DLC1: variants seen among roughly 807,000 people sequenced by gnomAD.
The protein encoded by DLC1 is rho GTPase-activating protein 7.
Under a neutral mutation model 140.3 loss-of-function variants are expected in DLC1, and 54 were observed. That is an observed-to-expected ratio of 0.38 (90% CI 0.31 to 0.48). DLC1 has a LOEUF of 0.48. Ranked by LOEUF, DLC1 falls within the 20% of genes least tolerant of loss-of-function variation. The pLI is 0.96. For synonymous variants in DLC1, 986 were observed against 728.1 expected, an observed-to-expected ratio of 1.35 and a Z score of -5.70; for missense variants, 2,536 against 1,907.0, an observed-to-expected ratio of 1.33 and a Z score of -6.14.
At chr8:13,232,035 T>C (rs1829069976) in intron 5 of DLC1, among the ~76,000 whole-genome samples, 1 of 152,192 alleles carries the variant, frequency 6.6e-6, no homozygotes, top group East Asian at 1.9e-4. Flanking sequence ...GAGCCATCCA[T>C]GGCTTCTCAG....
chr8:13,351,920 G>C (rs750529781), intron 4 of DLC1, among the ~76,000 whole-genome samples: 3 of 152,268 alleles, frequency 2.0e-5, no homozygotes, highest in Admixed American at 2.0e-4. Flanking sequence ...GTAACATAGA[G>C]ACGGTGTTTC....
intron 4 of DLC1, among the ~76,000 whole-genome samples, chr8:13,306,857 G>A (rs764284340): frequency 1.3e-5 from 2 of 151,802 alleles, no homozygotes; most frequent in South Asian, 4.1e-4. Context: ...GCCGAGGCGG[G>A]TGGATCACCT....
At chr8:13,483,897 C>A (rs943827203) in intron 2 of DLC1, among the ~76,000 whole-genome samples, 1 of 152,092 alleles carries the variant, frequency 6.6e-6, no homozygotes, top group Non-Finnish European at 1.5e-5. Flanking sequence ...GCCTGGCCAA[C>A]AGGGTGAACC....
chr8:13,371,930 C>A (rs192733170), intron 4 of DLC1, among the ~76,000 whole-genome samples: 26 of 152,234 alleles, frequency 1.7e-4, no homozygotes, highest in African/African-American at 6.0e-4. Flanking sequence ...AGGATGTTCA[C>A]TACTGAGGAA....
intron 1 of DLC1, among the ~76,000 whole-genome samples, chr8:13,534,561 A>G (rs1390119528): frequency 2.0e-5 from 3 of 152,104 alleles, no homozygotes; most frequent in Non-Finnish European, 4.4e-5. Context: ...TCTGCTTCAT[A>G]AGAAGCAGAG....
intron 7 of DLC1, among the ~76,000 whole-genome samples, chr8:13,107,358 T>C (rs1338193925): frequency 6.6e-6 from 1 of 152,178 alleles, no homozygotes; most frequent in African/African-American, 2.4e-5. Flanking sequence ...AAACTAAGAA[T>C]AATGCTAGAG....
chr8:13,482,427 T>C (rs890872843), intron 2 of DLC1, among the ~76,000 whole-genome samples: 6 of 152,158 alleles, frequency 3.9e-5, no homozygotes, highest in Non-Finnish European at 5.9e-5. Context: ...TAAAAATAGT[T>C]GATGAATAGA....
chr8:13,308,329 C>T (rs1409917164), intron 4 of DLC1, among the ~76,000 whole-genome samples: 4 of 152,106 alleles, frequency 2.6e-5, no homozygotes, highest in Admixed American at 2.6e-4. Context: ...GACCATATTA[C>T]AATGTAGAGA....
At chr8:13,538,603 T>C (rs976124872) in intron 1 of DLC1, among the ~76,000 whole-genome samples, 10 of 152,150 alleles carry the variant, frequency 6.6e-5, no homozygotes, top group Non-Finnish European at 8.8e-5. Flanking sequence ...GTATGTGTGG[T>C]GTATCAGTGG....
chr8:13,165,819 C>T (rs1563128859), intron 5 of DLC1, among the ~76,000 whole-genome samples: 1 of 152,128 alleles, frequency 6.6e-6, no homozygotes, highest in Non-Finnish European at 1.5e-5. Context: ...GGGTGAATGG[C>T]TTCCTTGGGT....
At chr8:13,518,621 C>A (rs1284673942), upstream of DLC1, among the ~76,000 whole-genome samples, 1 of 152,142 alleles carries the variant, frequency 6.6e-6, no homozygotes, top group Non-Finnish European at 1.5e-5. Flanking sequence ...AAATAAGTAG[C>A]AACATCATTA....
At chr8:13,302,843 A>G (rs956010867) in intron 5 of DLC1, among the ~76,000 whole-genome samples, 2 of 152,136 alleles carry the variant, frequency 1.3e-5, no homozygotes, top group African/African-American at 4.8e-5. Context: ...GCGGAAGCTT[A>G]CAGAGATTCA....
intron 5 of DLC1, among the ~76,000 whole-genome samples, chr8:13,195,482 T>G (rs186151582): frequency 1.3e-5 from 2 of 152,012 alleles, no homozygotes; most frequent in Admixed American, 6.6e-5. Context: ...GCTACTTAGA[T>G]CCGTATGATA....
chr8:13,508,600 A>T (rs560058458), intron 1 of DLC1, among the ~76,000 whole-genome samples: 53 of 151,980 alleles, frequency 3.5e-4, no homozygotes, highest in African/African-American at 1.2e-3. Context: ...TTGTATTTTT[A>T]GTAGAGACAG....
chr8:13,197,329 TA>T (rs1249096941), intron 5 of DLC1, among the ~76,000 whole-genome samples: 3 of 152,040 alleles, frequency 2.0e-5, no homozygotes, highest in Admixed American at 6.6e-5. Context: ...TGATTTATTT[TA>T]TTTTTTTTTA....
At chr8:13,215,367 C>A (rs1585926890) in intron 5 of DLC1, among the ~76,000 whole-genome samples, 1 of 152,190 alleles carries the variant, frequency 6.6e-6, no homozygotes, top group African/African-American at 2.4e-5. Context: ...GCGTGGATCA[C>A]TTGTGGTCAG....
intron 17 of DLC1, 48 bp downstream of exon 17, chr8:13,086,242 T>C: frequency 6.4e-6 from 10 of 1,573,300 alleles, no homozygotes; most frequent in Non-Finnish European, 8.6e-6. Flanking sequence ...AAAGTCAGAA[T>C]TTCCTTCATG....
chr8:13,579,851 T>C (rs1028549289), intron 1 of DLC1, among the ~76,000 whole-genome samples: 2 of 151,780 alleles, frequency 1.3e-5, no homozygotes, highest in Admixed American at 6.6e-5. Flanking sequence ...GTACCCAGTG[T>C]GCCCATATAT....
chr8:13,118,927 C>T (rs903046802), intron 5 of DLC1, among the ~76,000 whole-genome samples: 9 of 152,160 alleles, frequency 5.9e-5, no homozygotes, highest in South Asian at 2.1e-4. Flanking sequence ...TGGAGCTCCA[C>T]GTGTAAAGAA....
Sources: allele counts gnomAD v4.1 joint callset (sites outside exome capture counted in the v4.1 genomes callset), GRCh38; gene constraint gnomAD v4.1.1; transcripts MANE v1.5; gene names NCBI Gene and HGNC (gene_info 2026-07-23, HGNC 2026-07-21).